Variants in SPDYA observed in about 807,000 individuals in gnomAD.
The protein encoded by SPDYA is speedy/RINGO cell cycle regulator family member A, also known as speedy protein A.
Under a neutral mutation model 36.7 loss-of-function variants are expected in SPDYA, and 11 were observed. The observed-to-expected ratio is 0.30, with a 90% CI of 0.19 to 0.50. The LOEUF (loss-of-function observed/expected upper bound fraction) is 0.50. Ranked by LOEUF, SPDYA falls within the 20% of genes least tolerant of loss-of-function variation. The pLI, the probability that SPDYA is intolerant of heterozygous loss-of-function variation, is 0.98. For synonymous variants in SPDYA, 115 were observed against 118.7 expected (o/e 0.97, Z 0.20); for missense variants, 287 against 370.9 (o/e 0.77, Z 1.86).
rs1259518194 is a variant in SPDYA, at chr2:28,816,170, T to C, written c.156T>C (p.Asn52=). The C allele has an allele frequency of 1.2e-6, 2 of 1,613,890 alleles. No individual in the cohort carries two copies. Among genetic ancestry groups the C allele is most frequent in the African/African-American group, 2.7e-5 (2 of 74,934 alleles). ...NWQAFEKNTH[N]NNKSKRPKGP... is the part of the protein sequence containing the mutation. ...AAGCATTTGAAAAAAATACACATAA[T>C]AACAACAAATCTAAACGCCCCAAAG... The change falls in exon 3 of 8, where the codon AAT becomes AAC. Residue 52 remains asparagine, a synonymous_variant. Transcript: ENST00000334056.
In SPDYA at chr2:28,814,668, T is replaced by G. The variant is rs1233422221; in HGVS notation, c.-37T>G. 6.6e-6 allele frequency: 1 copy of G among 152,176 alleles called. No homozygotes were observed. The highest frequency in any genetic ancestry group is 1.5e-5 in the Non-Finnish European group (1 of 68,042). 9.4% of individuals were successfully genotyped at this position (152,176 alleles called of 1,614,324 possible). On this transcript the variant is annotated 5_prime_UTR_variant, in exon 2 of 8. Coordinates refer to ENST00000334056, the MANE Select transcript of SPDYA (RefSeq NM_182756.4). The stretch of plus-strand genomic sequence containing the variant: ...TCAGGAAGGGGAATCTGTACCTCAC[T>G]CCTTGAACACCAAGGAAGGTATGGC...
intron 6 of SPDYA, 119 bp downstream of exon 6, chr2:28,829,438 T>C (rs1326993119): frequency 2.8e-5 from 24 of 848,354 alleles, no homozygotes; most frequent in South Asian, 1.3e-4. Flanking sequence ...TTTTCTAATA[T>C]GTGGAGTAGA....
intron 3 of SPDYA, among the ~76,000 whole-genome samples, chr2:28,817,328 A>T (rs1396987573): frequency 6.6e-6 from 1 of 151,672 alleles, no homozygotes; most frequent in Non-Finnish European, 1.5e-5. Context: ...TTGAGAGGCC[A>T]AGGCAGGCAG....
At chr2:28,832,540 T>C (rs1383188176) in intron 6 of SPDYA, among the ~76,000 whole-genome samples, 1 of 152,210 alleles carries the variant, frequency 6.6e-6, no homozygotes, top group Admixed American at 6.5e-5. Flanking sequence ...GTTGGTATTT[T>C]TTGTCTAATT....
intron 7 of SPDYA, among the ~76,000 whole-genome samples, chr2:28,841,759 T>C (rs1402611579): frequency 6.6e-6 from 1 of 152,162 alleles, no homozygotes; most frequent in African/African-American, 2.4e-5. Flanking sequence ...GTATAGTCTC[T>C]TCCTTTTCAA....
Position 28,840,244 on chromosome 2 carries a change from A to G in SPDYA, c.625A>G (p.Asn209Asp). ...TGTTCATCACAGTGGAGCTGTCAGA[A>G]ACTACAACAGAGATGAAGTTCAGCT... ...RSVHHSGAVR[N>D]YNRDEVQLPR... Residue 209 changes from asparagine to aspartate, a missense_variant, in exon 7 of 8, where the codon AAC becomes GAC. By Grantham distance (23) the Asn-to-Asp change is conservative. Coordinates refer to ENST00000334056, the MANE Select transcript of SPDYA (RefSeq NM_182756.4). 6.2e-7 allele frequency: 1 copy of G among 1,614,206 alleles called. No individual in the cohort carries two copies. The highest frequency in any genetic ancestry group is 8.5e-7 in the Non-Finnish European group (1 of 1,180,032).
intron 5 of SPDYA, among the ~76,000 whole-genome samples, chr2:28,823,430 C>A (rs1340583325): frequency 2.0e-5 from 3 of 151,706 alleles, no homozygotes; most frequent in African/African-American, 7.3e-5. Context: ...CGATACCAGC[C>A]TGGCCAACAT....
At chr2:28,846,029 G>T (rs1033306246) in intron 7 of SPDYA, among the ~76,000 whole-genome samples, 1 of 152,106 alleles carries the variant, frequency 6.6e-6, no homozygotes, top group African/African-American at 2.4e-5. Context: ...AGTTCAAAAT[G>T]AAAGCCTCCC....
chr2:28,828,783 A>G (rs181473930), intron 5 of SPDYA, among the ~76,000 whole-genome samples: 69 of 152,372 alleles, frequency 4.5e-4, no homozygotes, highest in African/African-American at 1.6e-3. Flanking sequence ...TTCATAATTC[A>G]TGGAGCATTG....
At chr2:28,818,806 A>T (rs1386645930) in intron 3 of SPDYA, among the ~76,000 whole-genome samples, 6 of 152,220 alleles carry the variant, frequency 3.9e-5, no homozygotes, top group African/African-American at 1.4e-4. Context: ...ACCATTCTCC[A>T]ATCTGAGCCA....
chr2:28,837,742 C>CTTTTTTTTTTTTTT (rs201687264), intron 6 of SPDYA, among the ~76,000 whole-genome samples: 1 of 132,598 alleles, frequency 7.5e-6, no homozygotes, highest in African/African-American at 2.9e-5. Context: ...AGAGTCAGTG[C>CTTTTTTTTTTTTTT]TTTTTTTTTT....
intron 7 of SPDYA, among the ~76,000 whole-genome samples, chr2:28,842,577 A>G (rs1457926441): frequency 6.6e-6 from 1 of 152,158 alleles, no homozygotes; most frequent in Non-Finnish European, 1.5e-5. Flanking sequence ...TCATCCTTTC[A>G]CTGGGTGAAA....
intron 7 of SPDYA, among the ~76,000 whole-genome samples, chr2:28,841,798 G>A (rs1027884434): frequency 1.3e-5 from 2 of 152,048 alleles, no homozygotes; most frequent in African/African-American, 2.4e-5. Flanking sequence ...TTATTATGCT[G>A]AGGCAAGAGG....
chr2:28,815,283 A>AACACACACACAC (rs55773017), intron 2 of SPDYA, among the ~76,000 whole-genome samples: 2 of 136,832 alleles, frequency 1.5e-5, no homozygotes, highest in South Asian at 2.4e-4. Flanking sequence ...CCCTGTCTGA[A>AACACACACACAC]ACACACACAC....
Position 28,811,916 on chromosome 2 carries a change from A to T in SPDYA, c.-93+969A>T, listed in dbSNP as rs763071581. On this transcript the variant is annotated intron_variant, in intron 1 of 7. Transcript: ENST00000334056. The surrounding 1 kb of genome is among the most constrained non-coding windows in gnomAD (Gnocchi z 4.2). ...GGTGGCAGTGATCCGAGATCGCCTTATAGCTGGGGTTAGCTGGTTTTGTTT... is the reference window on the plus strand; with the variant it reads ...GGTGGCAGTGATCCGAGATCGCCTTTTAGCTGGGGTTAGCTGGTTTTGTTT... 3.4e-4 allele frequency among the ~76,000 whole-genome samples: 52 copies of T among 152,328 alleles called. No individual in the cohort carries two copies. Among genetic ancestry groups the T allele is most frequent in the African/African-American group, 1.2e-3 (50 of 41,578 alleles).
chr2:28,838,659 T>G (rs1668672186), intron 6 of SPDYA, among the ~76,000 whole-genome samples: 1 of 152,194 alleles, frequency 6.6e-6, no homozygotes. Context: ...GGAGAGACTA[T>G]GATGAACTTA....
rs1667845829 is a variant in SPDYA, at chr2:28,811,580, C to T, written c.-93+633C>T. On this transcript the variant is annotated intron_variant, in intron 1 of 7. Transcript: ENST00000334056. This position sits in a 1 kb window ranked among gnomAD's most constrained non-coding sequence, Gnocchi z 4.2. ...CCCTAGCCTCAATCTTTTAAAAAGC[C>T]TTATGCCGAGTTGGGCGAATCCTTG... is the stretch of plus-strand genomic sequence containing the variant. Among the ~76,000 whole-genome samples, 1 of 151,970 alleles carries T rather than the reference C, an allele frequency of 6.6e-6. No individual in the cohort carries two copies. The highest frequency in any genetic ancestry group is 1.5e-5 in the Non-Finnish European group (1 of 68,000).
intron 5 of SPDYA, 127 bp from the exon 6 acceptor site, chr2:28,829,021 G>T: frequency 2.8e-6 from 2 of 713,358 alleles, no homozygotes; most frequent in Non-Finnish European, 4.5e-6. Flanking sequence ...TTTTTGAACT[G>T]CATTTCTTTA....
chr2:28,834,904 A>G (rs541266313), intron 6 of SPDYA, among the ~76,000 whole-genome samples: 18 of 152,324 alleles, frequency 1.2e-4, no homozygotes, highest in Non-Finnish European at 1.9e-4. Flanking sequence ...TCCTCCCACT[A>G]TTACTCTGTA....
Sources: allele counts gnomAD v4.1 joint callset (sites outside exome capture counted in the v4.1 genomes callset), GRCh38; gene constraint gnomAD v4.1.1; non-coding constraint Gnocchi (gnomAD v3.1); transcripts MANE v1.5; gene names NCBI Gene and HGNC (gene_info 2026-07-23, HGNC 2026-07-21).